The following NELL1 variants were observed in gnomAD, a reference collection of about 807,000 sequenced individuals.
NELL1 encodes the protein neural EGFL like 1.
Under a neutral mutation model 107.4 loss-of-function variants are expected in NELL1, and 76 were observed. That is an observed-to-expected ratio of 0.71 (90% confidence interval 0.59 to 0.86). The LOEUF (loss-of-function observed/expected upper bound fraction) is 0.86. Among genes scored for constraint, NELL1 ranks in the 40% least tolerant of loss-of-function variants. The pLI, the probability that NELL1 is intolerant of heterozygous loss-of-function variation, is 0.00. For synonymous variants in NELL1, 353 were observed against 341.2 expected (o/e 1.03, Z -0.38); for missense variants, 1,024 against 1,005.5 (o/e 1.02, Z -0.25).
chr11:21,273,668 C>A (rs11500076), intron 14 of NELL1, among the ~76,000 whole-genome samples: 9,765 of 152,184 alleles, frequency 0.064, 442 homozygotes, highest in East Asian at 0.15. Context: ...GTCGGGTTAC[C>A]CACAAAGGGA....
intron 13 of NELL1, among the ~76,000 whole-genome samples, chr11:21,139,025 C>T (rs767763668): frequency 3.9e-5 from 6 of 152,204 alleles, no homozygotes; most frequent in African/African-American, 7.2e-5. Context: ...ACAAGTGGAA[C>T]GTATTGAGGG....
chr11:20,870,172 G>A (rs1849169948), intron 4 of NELL1, among the ~76,000 whole-genome samples: 1 of 152,128 alleles, frequency 6.6e-6, no homozygotes, highest in South Asian at 2.1e-4. Flanking sequence ...AAGAGGTAAG[G>A]AAATAATCCA....
At chr11:21,212,431 G>C (rs1004783775) in intron 13 of NELL1, among the ~76,000 whole-genome samples, 12 of 152,134 alleles carry the variant, frequency 7.9e-5, no homozygotes, top group Non-Finnish European at 1.3e-4. Context: ...AACTCAGTTA[G>C]AGCAGTCCCA....
intron 2 of NELL1, among the ~76,000 whole-genome samples, chr11:20,722,352 A>G (rs1322122024): frequency 6.6e-6 from 1 of 152,112 alleles, no homozygotes; most frequent in East Asian, 1.9e-4. Context: ...CTCAAAGGGA[A>G]CAGCAGTGTC....
chr11:21,178,825 C>A (rs529706877), intron 13 of NELL1, among the ~76,000 whole-genome samples: 2 of 151,060 alleles, frequency 1.3e-5, no homozygotes, highest in East Asian at 1.9e-4. Context: ...AAAAAAGATT[C>A]AACTTAAAGG....
chr11:21,276,068 A>G (rs1848850069), intron 14 of NELL1, among the ~76,000 whole-genome samples: 1 of 152,198 alleles, frequency 6.6e-6, no homozygotes, highest in Admixed American at 6.5e-5. Flanking sequence ...AGGCAGGAGA[A>G]GGAAATAAAG....
intron 12 of NELL1, among the ~76,000 whole-genome samples, chr11:21,083,934 G>A (rs915156871): frequency 1.3e-5 from 2 of 152,084 alleles, no homozygotes; most frequent in Non-Finnish European, 2.9e-5. Flanking sequence ...CGTATTTTGG[G>A]ATTTCATTAA....
intron 2 of NELL1, among the ~76,000 whole-genome samples, chr11:20,781,899 G>A (rs1204453688): frequency 5.0e-5 from 7 of 139,678 alleles, no homozygotes; most frequent in Admixed American, 7.1e-5. Context: ...AAAAAAAGGC[G>A]GGCATGGTGG....
At chr11:20,940,535 C>A (rs1195758897) in intron 10 of NELL1, among the ~76,000 whole-genome samples, 2 of 152,168 alleles carry the variant, frequency 1.3e-5, no homozygotes, top group Non-Finnish European at 2.9e-5. Context: ...AGGTGTGAGC[C>A]ACTGCACCTG....
intron 15 of NELL1, among the ~76,000 whole-genome samples, chr11:21,423,147 A>G (rs1460756652): frequency 6.6e-6 from 1 of 152,170 alleles, no homozygotes; most frequent in Non-Finnish European, 1.5e-5. Context: ...TGGGCGGTTC[A>G]TGAGGTCAAG....
chr11:21,331,300 A>G (rs940580771), intron 14 of NELL1, among the ~76,000 whole-genome samples: 1 of 151,574 alleles, frequency 6.6e-6, no homozygotes, highest in African/African-American at 2.4e-5. Context: ...TTTTTTTTAG[A>G]ACAGTAGGCA....
chr11:21,390,877 A>G (rs1381266418), intron 15 of NELL1, among the ~76,000 whole-genome samples: 4 of 151,874 alleles, frequency 2.6e-5, no homozygotes, highest in South Asian at 4.1e-4. Flanking sequence ...ACTTCATTCT[A>G]TACTGGAAGC....
At chr11:21,558,168 C>T (rs1856766639) in intron 16 of NELL1, among the ~76,000 whole-genome samples, 1 of 151,808 alleles carries the variant, frequency 6.6e-6, no homozygotes, top group African/African-American at 2.4e-5. Context: ...TCACCTCATT[C>T]CCTATAGGAC....
intron 13 of NELL1, among the ~76,000 whole-genome samples, chr11:21,218,339 T>A (rs1857668484): frequency 6.6e-6 from 1 of 152,138 alleles, no homozygotes; most frequent in Non-Finnish European, 1.5e-5. Context: ...TCTCGATCAA[T>A]TTTTAAATTT....
At chr11:21,112,721 A>C (rs951046267) in intron 12 of NELL1, among the ~76,000 whole-genome samples, 1 of 152,076 alleles carries the variant, frequency 6.6e-6, no homozygotes, top group Admixed American at 6.6e-5. Context: ...ACTTGGACCC[A>C]GAGTAGTTGA....
intron 13 of NELL1, among the ~76,000 whole-genome samples, chr11:21,121,567 G>T (rs1855368657): frequency 6.6e-6 from 1 of 152,094 alleles, no homozygotes; most frequent in Non-Finnish European, 1.5e-5. Flanking sequence ...GGTTATTGGG[G>T]GTCCTCTAGA....
At chr11:20,855,079 A>T (rs1479195333) in intron 4 of NELL1, among the ~76,000 whole-genome samples, 1 of 152,198 alleles carries the variant, frequency 6.6e-6, no homozygotes, top group African/African-American at 2.4e-5. Context: ...GCGTATTCAT[A>T]TCAACCTCGC....
chr11:21,540,269 T>C (rs1407499343), intron 16 of NELL1, among the ~76,000 whole-genome samples: 2 of 152,068 alleles, frequency 1.3e-5, no homozygotes, highest in Non-Finnish European at 2.9e-5. Flanking sequence ...CTCTCAAACA[T>C]TGTAACTTAC....
chr11:21,132,765 G>T (rs1421998942), intron 13 of NELL1, among the ~76,000 whole-genome samples: 2 of 151,878 alleles, frequency 1.3e-5, no homozygotes, highest in African/African-American at 4.8e-5. Flanking sequence ...TCTTGACATG[G>T]TGAGCAGTGG....
Sources: gnomAD v4.1 joint callset for allele counts (sites outside exome capture counted in the v4.1 genomes callset) on GRCh38, gnomAD v4.1.1 for gene constraint, MANE v1.5 for transcripts, NCBI Gene and HGNC (gene_info 2026-07-23, HGNC 2026-07-21) for gene names.